Variants in PDE6C observed in about 807,000 individuals in gnomAD.
PDE6C encodes cone cGMP-specific 3',5'-cyclic phosphodiesterase subunit alpha'.
PDE6C carries 75 observed loss-of-function variants against 113.1 expected under a neutral mutation model. The ratio of observed to expected loss-of-function variants is 0.66; its 90% confidence interval spans 0.55 to 0.80. The LOEUF (loss-of-function observed/expected upper bound fraction) is 0.80. PDE6C is among the 30% of genes least tolerant of loss of function. PDE6C has a pLI of 0.00. For synonymous variants in PDE6C, 375 were observed against 363.7 expected (o/e 1.03, Z -0.35); for missense variants, 912 against 1,038.6 (o/e 0.88, Z 1.67).
intron 14 of PDE6C, 72 bp downstream of exon 14, chr10:93,641,101 T>C: frequency 1.1e-6 from 1 of 900,168 alleles, no homozygotes; most frequent in Admixed American, 1.7e-5. Flanking sequence ...AGAAAAACGC[T>C]TCTCCCTATT....
intron 10 of PDE6C, among the ~76,000 whole-genome samples, chr10:93,636,352 T>C (rs927306303): frequency 6.9e-6 from 1 of 145,318 alleles, no homozygotes; most frequent in Non-Finnish European, 1.5e-5. Flanking sequence ...TCTCTATTTC[T>C]TTTATTTCCC....
rs138155777 is a variant in PDE6C, at chr10:93,658,989, A to G, written c.2125A>G (p.Thr709Ala). ...CATCAAATATGTAACTGTTGATCCAACCAAGAAAGAGATTATCATGTAGGT... is the reference window on the plus strand; with the variant it reads ...CATCAAATATGTAACTGTTGATCCAGCCAAGAAAGAGATTATCATGTAGGT... ...EAIKYVTVDP[T>A]KKEIIMAMMM... Residue 709 changes from threonine (T) to alanine (A), a missense_variant, in exon 17 of 22, where the codon ACC (threonine) becomes GCC (alanine). Coordinates refer to ENST00000371447, the MANE Select transcript of PDE6C (RefSeq NM_006204.4). 6.2e-7 allele frequency: 1 copy of G among 1,607,436 alleles called. No homozygotes were observed. Among genetic ancestry groups the G allele is most frequent in the African/African-American group, 1.3e-5 (1 of 74,794 alleles).
chr10:93,649,828 C>T (rs1333769551), intron 15 of PDE6C, among the ~76,000 whole-genome samples: 1 of 152,114 alleles, frequency 6.6e-6, no homozygotes, highest in African/African-American at 2.4e-5. Flanking sequence ...TGGTCTCGAA[C>T]CCCCAACCTC....
intron 9 of PDE6C, 108 bp downstream of exon 9, chr10:93,635,015 G>A (rs534997599): frequency 1.8e-6 from 2 of 1,133,942 alleles, no homozygotes; most frequent in East Asian, 2.5e-5. Flanking sequence ...ATTAAGACAT[G>A]AGTCACACAT....
At chr10:93,657,202 A>G (rs1457478654) in intron 16 of PDE6C, among the ~76,000 whole-genome samples, 4 of 151,644 alleles carry the variant, frequency 2.6e-5, no homozygotes, top group Non-Finnish European at 5.9e-5. Flanking sequence ...TCACTCTGTC[A>G]CCAGGCTGGA....
At chr10:93,644,900 A>ATATACACTATATC (rs2058577012) in intron 14 of PDE6C, among the ~76,000 whole-genome samples, 1 of 11,514 alleles carries the variant, frequency 8.7e-5, no homozygotes, top group South Asian at 0.045. Context: ...TAGTATATAT[A>ATATACACTATATC]GTATATATAC....
At chr10:93,652,745 C>G (rs887778560) in intron 15 of PDE6C, among the ~76,000 whole-genome samples, 3 of 152,074 alleles carry the variant, frequency 2.0e-5, no homozygotes, top group African/African-American at 7.2e-5. Context: ...TAAATAGCAA[C>G]AAGTGTCCAG....
intron 21 of PDE6C, among the ~76,000 whole-genome samples, chr10:93,663,444 C>T (rs2058675892): frequency 6.6e-6 from 1 of 152,146 alleles, no homozygotes; most frequent in African/African-American, 2.4e-5. Context: ...TAGAAGGTGG[C>T]TCCTCTGCAG....
At chr10:93,658,169 CAAAAAAAAAAAAAA>C (rs71031527) in intron 16 of PDE6C, among the ~76,000 whole-genome samples, 2 of 59,888 alleles carry the variant, frequency 3.3e-5, no homozygotes, top group Non-Finnish European at 6.2e-5. Flanking sequence ...GATTCTGTCT[CAAAAAAAAAAAAAA>C]AAAAAAAAAG....
chr10:93,649,374 C>T (rs541870974), intron 15 of PDE6C, among the ~76,000 whole-genome samples: 2 of 152,228 alleles, frequency 1.3e-5, no homozygotes, highest in African/African-American at 2.4e-5. Flanking sequence ...AAAATTCAAA[C>T]GATAGGAAAA....
At chr10:93,621,862 TGTG>T in intron 3 of PDE6C, 67 bp from the exon 4 acceptor site, 1 of 1,391,880 alleles carries the variant, frequency 7.2e-7, no homozygotes, top group South Asian at 1.2e-5. Context: ...CATGTTTTCT[TGTG>T]GTGAATGCTC....
At chr10:93,656,797 G>A (rs1259468319) in intron 16 of PDE6C, among the ~76,000 whole-genome samples, 2 of 151,890 alleles carry the variant, frequency 1.3e-5, no homozygotes, top group Non-Finnish European at 2.9e-5. Context: ...TTGAACTCCC[G>A]ACCTCAACTG....
At chr10:93,627,174 A>G (rs2058477252) in intron 7 of PDE6C, among the ~76,000 whole-genome samples, 1 of 139,998 alleles carries the variant, frequency 7.1e-6, no homozygotes. Context: ...AGGCAAAAGA[A>G]TTGCTTGAAC....
chr10:93,663,274 GA>G, intron 21 of PDE6C, 96 bp downstream of exon 21: 1 of 1,237,532 alleles, frequency 8.1e-7, no homozygotes, highest in East Asian at 2.5e-5. Context: ...ACCACAAACA[GA>G]AAACCTGCTT....
chr10:93,640,366 C>T (rs907406463), intron 12 of PDE6C, 84 bp from the exon 13 acceptor site: 16 of 1,268,238 alleles, frequency 1.3e-5, no homozygotes, highest in Admixed American at 1.7e-5. Context: ...ACAAGACCAA[C>T]ACATCTTTTT....
At chr10:93,633,588 A>G (rs924606125) in intron 8 of PDE6C, among the ~76,000 whole-genome samples, 18 of 152,114 alleles carry the variant, frequency 1.2e-4, no homozygotes, top group African/African-American at 4.3e-4. Context: ...CTAGACCCTA[A>G]GCATCTTGAG....
chr10:93,659,878 A>G (rs904075742), intron 18 of PDE6C, among the ~76,000 whole-genome samples: 1 of 152,194 alleles, frequency 6.6e-6, no homozygotes, highest in Non-Finnish European at 1.5e-5. Flanking sequence ...TTTTGCTCCT[A>G]TAGTCTCTTC....
intron 8 of PDE6C, among the ~76,000 whole-genome samples, chr10:93,629,852 C>T (rs999530348): frequency 5.9e-5 from 9 of 152,076 alleles, no homozygotes. Context: ...AAGTTTCACC[C>T]GAGTACCCAC....
At chr10:93,627,378 A>C (rs556160979) in intron 7 of PDE6C, among the ~76,000 whole-genome samples, 2 of 152,228 alleles carry the variant, frequency 1.3e-5, no homozygotes, top group East Asian at 3.9e-4. Context: ...CTACACAGAA[A>C]TATTTAGTCA....
Sources: gnomAD v4.1 joint callset for allele counts (sites outside exome capture counted in the v4.1 genomes callset) on GRCh38, gnomAD v4.1.1 for gene constraint, MANE v1.5 for transcripts, NCBI Gene and HGNC (gene_info 2026-07-23, HGNC 2026-07-21) for gene names.